Variants in CCDC33 observed in about 807,000 individuals in gnomAD.
The protein encoded by CCDC33 is coiled-coil domain-containing protein 33.
In CCDC33, 94 loss-of-function variants were observed where a neutral mutation model predicts 91.9. The ratio of observed to expected loss-of-function variants is 1.02; its 90% CI spans 0.87 to 1.21. The LOEUF (loss-of-function observed/expected upper bound fraction) is 1.21, where lower values mean the gene tolerates loss of function less well. Among genes scored for constraint, CCDC33 ranks in the 50% most tolerant of loss-of-function variants. The pLI is 0.00. For synonymous variants in CCDC33, 396 were observed against 374.5 expected (o/e 1.06, Z -0.66); for missense variants, 940 against 935.5 (o/e 1.00, Z -0.06).
At chr15:74,214,436 C>G (rs1220932999), upstream of CCDC33, among the ~76,000 whole-genome samples, 2 of 152,178 alleles carry the variant, frequency 1.3e-5, no homozygotes. Flanking sequence ...CAGAGACAGT[C>G]TCACCTGGAG....
chr15:74,328,524 CAG>C (rs2060357454), intron 11 of CCDC33, among the ~76,000 whole-genome samples: 1 of 152,234 alleles, frequency 6.6e-6, no homozygotes, highest in Non-Finnish European at 1.5e-5. Context: ...GGTCTCTAGA[CAG>C]AGTCTCTCCA....
intron 10 of CCDC33, among the ~76,000 whole-genome samples, chr15:74,292,166 G>A (rs1202661806): frequency 3.9e-5 from 6 of 152,228 alleles, no homozygotes; most frequent in Non-Finnish European, 8.8e-5. Flanking sequence ...TGTGGGGTGG[G>A]CCAGCAGCCC....
intron 1 of CCDC33, among the ~76,000 whole-genome samples, chr15:74,240,029 TAGC>T (rs981900539): frequency 1.2e-4 from 19 of 152,216 alleles, no homozygotes; most frequent in African/African-American, 4.3e-4. Context: ...AGCAGGAGGT[TAGC>T]AGCCCTGGCC....
At chr15:74,322,191 T>C (rs1313556463) in intron 11 of CCDC33, among the ~76,000 whole-genome samples, 1 of 152,242 alleles carries the variant, frequency 6.6e-6, no homozygotes, top group East Asian at 1.9e-4. Flanking sequence ...CAAAATGTTA[T>C]CATTTAAAAC....
At chr15:74,271,324 C>T (rs1345165970) in intron 5 of CCDC33, among the ~76,000 whole-genome samples, 1 of 152,168 alleles carries the variant, frequency 6.6e-6, no homozygotes, top group African/African-American at 2.4e-5. Flanking sequence ...GCTGGAACAC[C>T]TAGCCCTACC....
At chr15:74,323,179 C>G (rs575549101) in intron 11 of CCDC33, among the ~76,000 whole-genome samples, 1 of 152,248 alleles carries the variant, frequency 6.6e-6, no homozygotes, top group East Asian at 1.9e-4. Context: ...ACCCACAGCA[C>G]CCAGCATTCA....
intron 2 of CCDC33, among the ~76,000 whole-genome samples, chr15:74,246,081 A>G (rs1194181601): frequency 6.6e-6 from 1 of 152,254 alleles, no homozygotes; most frequent in South Asian, 2.1e-4. Context: ...TCTGATTACA[A>G]ATAAACAAGT....
rs1161542789 is a variant in CCDC33, at chr15:74,209,585, T to TTCTA, written n.236+53_236+56dup. On this transcript the variant is annotated intron_variant and non_coding_transcript_variant, in intron 2 of 3. Transcript: ENST00000558645. The stretch of plus-strand genomic sequence containing the variant: ...AAAAAGGCCCCCTCGGAGCTTTCTC[T>TTCTA]TCTATTTCTCACTTCTCACAGACAG... 11 of 705,408 alleles carry TTCTA rather than the reference T, an allele frequency of 1.6e-5. No individual in the cohort carries two copies. The African/African-American group carries it at 1.8e-4, about 11-fold the overall frequency. 43.7% of individuals were successfully genotyped at this position (705,408 alleles called of 1,614,324 possible). A position where few individuals can be genotyped will look rare whatever the true frequency, so the allele number is the denominator to read the frequency against.
intron 18 of CCDC33, chr15:74,335,505 G>A (rs2060547308): frequency 1.0e-5 from 4 of 398,448 alleles, no homozygotes; most frequent in Non-Finnish European, 1.4e-5. Flanking sequence ...AGATGGCCAC[G>A]ATGTAGGCTC....
Position 74,332,834 on chromosome 15 carries a change from C to T in CCDC33, c.1927C>T (p.Gln643Ter). 6.2e-7 allele frequency: 1 copy of T among 1,613,940 alleles called. No homozygotes were observed. The highest frequency in any genetic ancestry group is 8.5e-7 in the Non-Finnish European group (1 of 1,179,880). ...HQQAPIILQQ[Q>*]ALPDLLSGTS... ...GCAGGCCCCCATCATTCTGCAGCAA[C>T]AGGCCCTGCCGGTAAGAGGCCCTTG... The change falls in exon 16 of 19, where the codon CAG (glutamine) becomes TAG (stop). Residue 643 changes from glutamine (Q) to a stop codon, truncating the protein, a stop_gained. Transcript: ENST00000398814. LOFTEE classifies it high-confidence loss of function.
intron 2 of CCDC33, among the ~76,000 whole-genome samples, chr15:74,221,981 T>A (rs1341920050): frequency 6.6e-6 from 1 of 152,100 alleles, no homozygotes; most frequent in East Asian, 1.9e-4. Flanking sequence ...GAGGGTGGCC[T>A]GTTCGGTGCT....
At chr15:74,215,886 A>AAAAAGAAAGAAAG (rs1347849570), upstream of CCDC33, among the ~76,000 whole-genome samples, 4 of 113,916 alleles carry the variant, frequency 3.5e-5, no homozygotes, top group African/African-American at 8.7e-5. Flanking sequence ...AAAAAAAAAA[A>AAAAAGAAAGAAAG]AAAGAAAGAA....
chr15:74,329,184 A>G (rs1270380742), intron 11 of CCDC33, among the ~76,000 whole-genome samples: 1 of 152,192 alleles, frequency 6.6e-6, no homozygotes, highest in Non-Finnish European at 1.5e-5. Context: ...ATATACATGC[A>G]CATGGGCAGG....
At chr15:74,243,008 C>T (rs1417924696) in intron 1 of CCDC33, among the ~76,000 whole-genome samples, 1 of 152,234 alleles carries the variant, frequency 6.6e-6, no homozygotes, top group East Asian at 1.9e-4. Context: ...CTGACCGCCT[C>T]AGCCGGCCAG....
exon 2 of CCDC33, chr15:74,209,402 ATGAAT>A (rs2074333242): frequency 6.5e-7 from 1 of 1,535,492 alleles, no homozygotes; most frequent in African/African-American, 1.4e-5. Flanking sequence ...CCACTGCCTG[ATGAAT>A]TGCCAGAGGG....
intron 1 of CCDC33, chr15:74,209,277 C>G: frequency 7.7e-7 from 1 of 1,295,088 alleles, no homozygotes. Flanking sequence ...AGAGTCACCT[C>G]AGTGGAGAAG....
intron 11 of CCDC33, among the ~76,000 whole-genome samples, chr15:74,320,154 C>A (rs1319593197): frequency 6.6e-6 from 1 of 152,156 alleles, no homozygotes. Flanking sequence ...CTAGAAACTC[C>A]TGTGACTCCC....
At chr15:74,317,252 T>C (rs924397864) in intron 11 of CCDC33, among the ~76,000 whole-genome samples, 5 of 151,992 alleles carry the variant, frequency 3.3e-5, no homozygotes, top group Admixed American at 3.3e-4. Flanking sequence ...TCCCAGCTAC[T>C]CGGGAGGCTG....
chr15:74,302,693 A>C (rs2059819068), intron 11 of CCDC33: 1 of 152,330 alleles, frequency 6.6e-6, no homozygotes, highest in Non-Finnish European at 1.5e-5. Flanking sequence ...GTCCTAGGCA[A>C]ACCTGGATGG....
Sources: allele counts gnomAD v4.1 joint callset (sites outside exome capture counted in the v4.1 genomes callset), GRCh38; gene constraint gnomAD v4.1.1; transcripts MANE v1.5; gene names NCBI Gene and HGNC (gene_info 2026-07-23, HGNC 2026-07-21).